Variants in ADAM22 observed in about 807,000 individuals in gnomAD.
ADAM22 encodes the protein ADAM metallopeptidase domain 22, also known as disintegrin and metalloproteinase domain-containing protein 22.
Under a neutral mutation model 144.6 loss-of-function variants are expected in ADAM22, and 65 were observed. The observed-to-expected ratio is 0.45, with a 90% CI of 0.37 to 0.55. The LOEUF (loss-of-function observed/expected upper bound fraction) is 0.55. Ranked by LOEUF, ADAM22 falls within the 20% of genes least tolerant of loss-of-function variation. The pLI, the probability that ADAM22 is intolerant of heterozygous loss-of-function variation, is 0.00. For missense variants in ADAM22, 974 were observed against 1,184.9 expected, an observed-to-expected ratio of 0.82 and a Z score of 2.61; for synonymous variants, 391 against 412.6, an observed-to-expected ratio of 0.95 and a Z score of 0.63.
chr7:88,044,960 G>A (rs553661451), intron 3 of ADAM22, among the ~76,000 whole-genome samples: 1 of 150,370 alleles, frequency 6.7e-6, no homozygotes, highest in East Asian at 2.0e-4. Flanking sequence ...CTTGACCTCA[G>A]GCGATCCGCC....
intron 3 of ADAM22, among the ~76,000 whole-genome samples, chr7:88,029,492 A>G (rs1207782901): frequency 3.3e-5 from 5 of 152,138 alleles, no homozygotes; most frequent in African/African-American, 9.7e-5. Context: ...TCTGTGTAAG[A>G]TATGAGTAGT....
intron 2 of ADAM22, among the ~76,000 whole-genome samples, chr7:87,955,135 C>T (rs546177204): frequency 2.4e-4 from 37 of 152,346 alleles, no homozygotes; most frequent in Non-Finnish European, 4.4e-4. Context: ...TCTCTCAACT[C>T]GTCAAAGTCA....
At chr7:88,069,872 A>G (rs1180019621) in intron 3 of ADAM22, among the ~76,000 whole-genome samples, 1 of 152,200 alleles carries the variant, frequency 6.6e-6, no homozygotes. Flanking sequence ...CTGATACTGA[A>G]TCAGGTATGT....
chr7:87,948,003 A>G (rs1409285034), intron 2 of ADAM22, among the ~76,000 whole-genome samples: 1 of 152,074 alleles, frequency 6.6e-6, no homozygotes, highest in African/African-American at 2.4e-5. Flanking sequence ...TACCCCCAAC[A>G]TTACATCAGG....
chr7:88,023,725 A>C (rs918800373), intron 3 of ADAM22, among the ~76,000 whole-genome samples: 4 of 152,150 alleles, frequency 2.6e-5, no homozygotes, highest in African/African-American at 7.2e-5. Flanking sequence ...TAAAATATAC[A>C]ATTAAATTGT....
At position 88,186,642 on chromosome 7, in the gene ADAM22, C is replaced by A; in HGVS notation, c.2691C>A (p.Asp897Glu). Reference sequence around the variant, plus strand: ...ATTTAAACCCATGGTTCAAAAGAGACTATAATGTAGCTAAGTGGGTAGAAG... The same window carrying A: ...ATTTAAACCCATGGTTCAAAAGAGAATATAATGTAGCTAAGTGGGTAGAAG... The part of the protein sequence containing the change: ...TEYLNPWFKR[D>E]YNVAKWVEDV... Residue 897 changes from aspartate (D) to glutamate (E), a missense_variant, in exon 30 of 32, where the codon GAC becomes GAA. Asp to Glu is a conservative substitution (Grantham distance 45). This residue lies in a region of ADAM22 where 734 missense variants were observed against 950.6 expected (regional missense o/e 0.77). Coordinates refer to ENST00000413139, the MANE Select transcript of ADAM22 (RefSeq NM_001324418.2). 1 of 1,612,052 alleles carries A rather than the reference C, an allele frequency of 6.2e-7. No individual in the cohort carries two copies.
At chr7:88,064,289 A>T (rs1810629781) in intron 3 of ADAM22, among the ~76,000 whole-genome samples, 1 of 152,190 alleles carries the variant, frequency 6.6e-6, no homozygotes, top group Non-Finnish European at 1.5e-5. Context: ...ATACAGGTTG[A>T]GGTTGGGTTT....
chr7:88,170,642 G>A (rs1844095246), intron 25 of ADAM22, among the ~76,000 whole-genome samples: 1 of 151,940 alleles, frequency 6.6e-6, no homozygotes, highest in South Asian at 2.1e-4. Flanking sequence ...TATCAAACGT[G>A]ATATGTATAA....
intron 2 of ADAM22, among the ~76,000 whole-genome samples, chr7:87,944,769 T>C (rs1843172581): frequency 6.6e-6 from 1 of 151,750 alleles, no homozygotes; most frequent in Non-Finnish European, 1.5e-5. Flanking sequence ...TCTGAGTTTC[T>C]GGCTCCACCC....
Position 87,955,646 on chromosome 7 carries a change from C to G in ADAM22, c.246+20460C>G, listed in dbSNP as rs1846480593. The stretch of plus-strand genomic sequence containing the variant: ...CTCCAGCTGCGTGCTGGGAGAACCA[C>G]TGCTCTCCTCAAAGTTGTCAGACAG... On this transcript the variant is annotated intron_variant, in intron 2 of 31. Transcript: ENST00000413139. Among the ~76,000 whole-genome samples the G allele has an allele frequency of 1.3e-5, 2 of 152,328 alleles. 1 individual carries two copies. Among genetic ancestry groups the G allele is most frequent in the South Asian group, 4.1e-4 (2 of 4,828 alleles).
intron 14 of ADAM22, among the ~76,000 whole-genome samples, 189 bp from the exon 15 acceptor site, chr7:88,142,837 C>CA (rs35939860): frequency 0.019 from 2,271 of 117,234 alleles, 49 homozygotes; most frequent in African/African-American, 0.051. Flanking sequence ...GACTCCGTCT[C>CA]AAAAAAAAAA....
intron 7 of ADAM22, among the ~76,000 whole-genome samples, chr7:88,118,191 A>G (rs1434652780): frequency 3.3e-5 from 5 of 152,064 alleles, no homozygotes; most frequent in African/African-American, 1.2e-4. Context: ...GTAATCCTAA[A>G]CTAATGCTTA....
intron 5 of ADAM22, among the ~76,000 whole-genome samples, chr7:88,112,079 GTT>G (rs1441559393): frequency 6.6e-6 from 1 of 152,156 alleles, no homozygotes; most frequent in Non-Finnish European, 1.5e-5. Context: ...GATATGGCTA[GTT>G]CTCAGCAAGG....
chr7:87,948,272 CTGTAGCACAT>C (rs1844203958), intron 2 of ADAM22, among the ~76,000 whole-genome samples: 1 of 152,212 alleles, frequency 6.6e-6, no homozygotes, highest in African/African-American at 2.4e-5. Context: ...GGAACCATCC[CTGTAGCACAT>C]TGCTGGACTT....
chr7:88,021,888 T>C (rs928157772), intron 3 of ADAM22, among the ~76,000 whole-genome samples: 2 of 151,986 alleles, frequency 1.3e-5, no homozygotes, highest in Non-Finnish European at 2.9e-5. Context: ...TTTTTTTCTT[T>C]TTGAGACAGG....
chr7:88,019,453 C>T (rs543789001), intron 3 of ADAM22, among the ~76,000 whole-genome samples: 7 of 151,902 alleles, frequency 4.6e-5, no homozygotes, highest in South Asian at 4.2e-4. Context: ...CCTGCCTGGG[C>T]GACAGAGTGA....
chr7:87,934,732 C>T (rs894179398), intron 1 of ADAM22, 182 bp downstream of exon 1: 9 of 656,530 alleles, frequency 1.4e-5, no homozygotes, highest in Non-Finnish European at 2.3e-5. Flanking sequence ...TGGAGGCGCG[C>T]AGATGCACTG....
chr7:88,108,166 C>T lies in ADAM22; in HGVS notation c.391-10C>T. The T allele has an allele frequency of 6.2e-7, 1 of 1,607,802 alleles. No homozygotes were observed. The highest frequency in any genetic ancestry group is 1.1e-5 in the South Asian group (1 of 89,456). ...ATGCAAAGACTTACATTCTTTATTT[C>T]TGTTTTCAGGGAGGAGAGCACTGTT... On this transcript the variant is annotated splice_polypyrimidine_tract_variant and intron_variant, in intron 4 of 31. Transcript: ENST00000413139.
In ADAM22 at chr7:88,138,998, T is replaced by G. The variant is rs1486792615; in HGVS notation, c.1220+2967T>G. Among the ~76,000 whole-genome samples, 9 of 152,090 alleles carry G rather than the reference T, an allele frequency of 5.9e-5. No individual in the cohort carries two copies. The East Asian group carries it at 1.7e-3, about 29-fold the overall frequency. ...CTTGGCTGTGACCCCTGAGGGTGCT[T>G]TTACAGAGAGGCCTCTTTGTAGGAG... On this transcript the variant is annotated intron_variant, in intron 14 of 31. Coordinates refer to ENST00000413139, the MANE Select transcript of ADAM22 (RefSeq NM_001324418.2).
Sources: allele counts gnomAD v4.1 joint callset (sites outside exome capture counted in the v4.1 genomes callset), GRCh38; gene constraint gnomAD v4.1.1; regional missense constraint gnomAD v4.1.1; transcripts MANE v1.5; gene names NCBI Gene and HGNC (gene_info 2026-07-23, HGNC 2026-07-21).